Variants in GLDN observed in about 807,000 individuals in gnomAD.
The protein encoded by GLDN is gliomedin, also known as collomin.
In GLDN, 47 loss-of-function variants were observed where a neutral mutation model predicts 56.5. The observed-to-expected ratio is 0.83, with a 90% CI of 0.66 to 1.06. The LOEUF is 1.06. Ranked by LOEUF, GLDN falls within the 50% of genes least tolerant of loss-of-function variation. The pLI, the probability that GLDN is intolerant of heterozygous loss-of-function variation, is 0.00. For synonymous variants in GLDN, 332 were observed against 278.8 expected (o/e 1.19, Z -1.90); for missense variants, 782 against 714.3 (o/e 1.09, Z -1.08).
chr15:51,410,841 C>G (rs1040951071), downstream of GLDN, among the ~76,000 whole-genome samples: 1 of 152,148 alleles, frequency 6.6e-6, no homozygotes, highest in Non-Finnish European at 1.5e-5. Flanking sequence ...CTGAATCTGG[C>G]AATCCTAACC....
At chr15:51,392,587 T>TCC (rs2038046246) in intron 4 of GLDN, among the ~76,000 whole-genome samples, 1 of 152,082 alleles carries the variant, frequency 6.6e-6, no homozygotes, top group Non-Finnish European at 1.5e-5. Context: ...AAACCATCCC[T>TCC]CCCCACACCC....
intron 1 of GLDN, among the ~76,000 whole-genome samples, chr15:51,356,975 G>A (rs2037198756): frequency 6.6e-6 from 1 of 152,202 alleles, no homozygotes; most frequent in Non-Finnish European, 1.5e-5. Flanking sequence ...GGAATCTTGG[G>A]TGACTGGGAC....
chr15:51,396,251 G>C (rs1198740920), intron 5 of GLDN, among the ~76,000 whole-genome samples: 3 of 152,200 alleles, frequency 2.0e-5, no homozygotes, highest in Non-Finnish European at 4.4e-5. Context: ...AAAGAACAAA[G>C]CTCTGGGTTG....
intron 1 of GLDN, among the ~76,000 whole-genome samples, chr15:51,357,074 A>G (rs1339872893): frequency 6.6e-6 from 1 of 152,210 alleles, no homozygotes; most frequent in East Asian, 1.9e-4. Flanking sequence ...TATTTTGGAT[A>G]TTGGATTTAG....
chr15:51,405,349 C>T lies in GLDN; in HGVS notation c.*595C>T, dbSNP rs1406186295. The T allele has an allele frequency of 6.7e-6, 1 of 148,618 alleles. No individual in the cohort carries two copies. The highest frequency in any genetic ancestry group is 2.5e-5 in the African/African-American group (1 of 40,046). 9.2% of individuals were successfully genotyped at this position (148,618 alleles called of 1,614,324 possible). A position where few individuals can be genotyped will look rare whatever the true frequency, so the allele number is the denominator to read the frequency against. ...GCTGATTGGGCAGCTCTGAGATTAG[C>T]AAAAGCCAGGGACAGCTACATGTTC... On this transcript the variant is annotated 3_prime_UTR_variant, in exon 10 of 10. Coordinates refer to ENST00000335449, the MANE Select transcript of GLDN (RefSeq NM_181789.4).
intron 2 of GLDN, among the ~76,000 whole-genome samples, chr15:51,379,697 C>T (rs1324011186): frequency 1.3e-5 from 2 of 152,180 alleles, no homozygotes; most frequent in Non-Finnish European, 2.9e-5. Context: ...GAAAAAATAT[C>T]TAAGTGGCTC....
chr15:51,380,571 C>T (rs548437484), intron 2 of GLDN, among the ~76,000 whole-genome samples: 3 of 152,342 alleles, frequency 2.0e-5, no homozygotes, highest in East Asian at 3.9e-4. Flanking sequence ...CCATAACTCC[C>T]TATGCCTCAG....
At chr15:51,362,571 T>C (rs1490357790) in intron 1 of GLDN, among the ~76,000 whole-genome samples, 1 of 151,634 alleles carries the variant, frequency 6.6e-6, no homozygotes, top group Non-Finnish European at 1.5e-5. Context: ...GACCAGTTCA[T>C]GTAGAGCCTT....
At position 51,400,257 on chromosome 15, in the gene GLDN, C is replaced by G; in HGVS notation, c.883C>G (p.His295Asp). Reference protein sequence around the residue: ...VGKADEKASEHHSPQAESMIT... With the variant: ...VGKADEKASEDHSPQAESMIT... ...AAAAGCTGATGAGAAAGCCAGTGAA[C>G]ACCATTCCCCACAAGCAGGTATAGA... The change falls in exon 7 of 10, where the codon CAC becomes GAC. Residue 295 changes from histidine (H) to aspartate (D), a missense_variant. Coordinates refer to ENST00000335449, the MANE Select transcript of GLDN (RefSeq NM_181789.4). The G allele has an allele frequency of 6.2e-7, 1 of 1,614,188 alleles. No homozygotes were observed. Among genetic ancestry groups the G allele is most frequent in the Non-Finnish European group, 8.5e-7 (1 of 1,180,012 alleles).
intron 1 of GLDN, among the ~76,000 whole-genome samples, chr15:51,364,543 C>T (rs1254830102): frequency 6.6e-6 from 1 of 152,090 alleles, no homozygotes; most frequent in African/African-American, 2.4e-5. Flanking sequence ...CTGCACCTGG[C>T]CTGGTTTACT....
At chr15:51,373,530 CA>C (rs1159486831) in intron 1 of GLDN, among the ~76,000 whole-genome samples, 1 of 152,210 alleles carries the variant, frequency 6.6e-6, no homozygotes, top group African/African-American at 2.4e-5. Flanking sequence ...GCTACAAAGA[CA>C]AAAGGCCAGA....
intron 1 of GLDN, among the ~76,000 whole-genome samples, chr15:51,364,508 G>C (rs57443912): frequency 0.12 from 17,898 of 152,062 alleles, 1,991 homozygotes; most frequent in African/African-American, 0.29. Flanking sequence ...GCCTCCCAAA[G>C]TGCTGGGATT....
chr15:51,400,628 TTTTAG>T, intron 8 of GLDN, 130 bp downstream of exon 8: 1 of 1,047,706 alleles, frequency 9.5e-7, no homozygotes, highest in Non-Finnish European at 1.4e-6. Flanking sequence ...TGTCTCTTTA[TTTTAG>T]AAAGACCAAT....
chr15:51,348,308 T>C (rs763826929), intron 1 of GLDN, among the ~76,000 whole-genome samples: 2 of 150,272 alleles, frequency 1.3e-5, no homozygotes, highest in Non-Finnish European at 2.9e-5. Context: ...TGTTCTGTTC[T>C]TTTCTTTTTT....
chr15:51,382,692 C>A lies in GLDN; in HGVS notation c.416-744C>A, dbSNP rs184911202. On this transcript the variant is annotated intron_variant, in intron 2 of 9. Coordinates refer to ENST00000335449, the MANE Select transcript of GLDN (RefSeq NM_181789.4). ...AGTGAGCCGAGATGGTGCCACTGCA[C>A]TCCAGCCTGGGTGACAGAGCAAGAC... Among the ~76,000 whole-genome samples the A allele has an allele frequency of 1.6e-4, 24 of 149,494 alleles. No homozygotes were observed. The East Asian group carries it at 4.7e-3, about 29-fold the overall frequency.
chr15:51,411,222 T>C (rs1184592625), downstream of GLDN, among the ~76,000 whole-genome samples: 1 of 152,242 alleles, frequency 6.6e-6, no homozygotes, highest in Non-Finnish European at 1.5e-5. Context: ...ACCCGCTCCT[T>C]ACACCTCCAG....
At chr15:51,343,974 C>T (rs551172848) in intron 1 of GLDN, among the ~76,000 whole-genome samples, 5 of 152,306 alleles carry the variant, frequency 3.3e-5, no homozygotes, top group East Asian at 1.9e-4. Flanking sequence ...TTAAGAAATA[C>T]TACTCAGTCT....
downstream of GLDN, among the ~76,000 whole-genome samples, chr15:51,411,702 CT>C (rs2038466813): frequency 6.6e-6 from 1 of 152,204 alleles, no homozygotes; most frequent in Admixed American, 6.5e-5. Flanking sequence ...TCACAAAATT[CT>C]GTTTATTTGA....
rs369229326 is a variant in GLDN, at chr15:51,383,869, C to T, written c.518C>T (p.Ala173Val). ...CAGGGCCCAAAAGGAGAAAAAGGAG[C>T]AAATGGAAAAAGAGGAAAAATGGGT... ...GPQGPKGEKG[A>V]NGKRGKMGIP... is the part of the protein sequence containing the mutation. The change falls in exon 4 of 10, where the codon GCA (alanine) becomes GTA (valine). Residue 173 changes from alanine (A) to valine (V), a missense_variant. Ala to Val is a moderately conservative substitution (Grantham distance 64). Coordinates refer to ENST00000335449, the MANE Select transcript of GLDN (RefSeq NM_181789.4). 3.7e-5 allele frequency: 59 copies of T among 1,610,894 alleles called. No homozygotes were observed. The highest frequency in any genetic ancestry group is 4.8e-5 in the Non-Finnish European group (57 of 1,178,902).
Sources: gnomAD v4.1 joint callset for allele counts (sites outside exome capture counted in the v4.1 genomes callset) on GRCh38, gnomAD v4.1.1 for gene constraint, MANE v1.5 for transcripts, NCBI Gene and HGNC (gene_info 2026-07-23, HGNC 2026-07-21) for gene names.